ZFYVE26: variants seen among roughly 807,000 people sequenced by gnomAD.
ZFYVE26 encodes zinc finger FYVE domain-containing protein 26.
ZFYVE26 carries 181 observed loss-of-function variants against 276.5 expected under a neutral mutation model. That is an observed-to-expected ratio of 0.65 (90% confidence interval 0.58 to 0.74). ZFYVE26 has a LOEUF of 0.74. ZFYVE26 is among the 30% of genes least tolerant of loss of function. ZFYVE26 has a pLI of 0.00. For synonymous variants in ZFYVE26, 1,129 were observed against 1,203.1 expected, an observed-to-expected ratio of 0.94 and a Z score of 1.27; for missense variants, 2,821 against 3,097.9, an observed-to-expected ratio of 0.91 and a Z score of 2.12.
intron 21 of ZFYVE26, among the ~76,000 whole-genome samples, chr14:67,781,879 C>A: frequency 6.6e-6 from 1 of 152,326 alleles, no homozygotes; most frequent in Non-Finnish European, 1.5e-5. Context: ...TTCAGACTCA[C>A]CTTGTCAGTG....
At chr14:67,803,088 A>G (rs899583354) in intron 9 of ZFYVE26, among the ~76,000 whole-genome samples, 2 of 152,196 alleles carry the variant, frequency 1.3e-5, no homozygotes, top group African/African-American at 4.8e-5. Context: ...GGGTATAGTG[A>G]TAAGTGCCTG....
chr14:67,802,396 C>T, intron 9 of ZFYVE26, 114 bp from the exon 10 acceptor site: 2 of 1,047,222 alleles, frequency 1.9e-6, no homozygotes, highest in Non-Finnish European at 2.9e-6. Context: ...TAGGTTCTTA[C>T]CCTCTCTCCT....
At chr14:67,779,870 GTTATT>G (rs1045110172) in intron 23 of ZFYVE26, among the ~76,000 whole-genome samples, 4 of 152,118 alleles carry the variant, frequency 2.6e-5, no homozygotes, top group African/African-American at 4.8e-5. Flanking sequence ...ATGTGGTATA[GTTATT>G]TTATTTTATT....
rs1702782496 is a variant in ZFYVE26, at chr14:67,755,091, T to C, written c.6946A>G (p.Thr2316Ala). Residue 2316 changes from threonine to alanine, a missense_variant, in exon 37 of 42, where the codon ACA becomes GCA. Physicochemically the swap from Thr to Ala is moderately conservative, Grantham distance 58 (BLOSUM62 0). Transcript: ENST00000347230. ...TSRSSGRKKTTFFRKKMTAAD... is the reference protein window; with the variant it reads ...TSRSSGRKKTAFFRKKMTAAD... ...GCAGTCATCTTCTTTCTGAAGAATG[T>C]GGTTTTCTTCCTTCCAGAGCTGCGG... 1.9e-6 allele frequency: 3 copies of C among 1,614,198 alleles called. No individual in the cohort carries two copies. Among genetic ancestry groups the C allele is most frequent in the Admixed American group, 3.3e-5 (2 of 60,030 alleles).
Position 67,797,971 on chromosome 14 carries a change from C to T in ZFYVE26, c.2248+43G>A, listed in dbSNP as rs372799976. 215 of 1,613,160 alleles carry T rather than the reference C, an allele frequency of 1.3e-4. 4 individuals carry two copies. Among genetic ancestry groups the T allele is most frequent in the South Asian group, 8.2e-4 (75 of 91,002 alleles). ...TCTCCCATATTCCTGGGATCTTTCTCCCTCTCCACCTTCTGGTCCCACCAG... is the reference window on the plus strand; with the variant it reads ...TCTCCCATATTCCTGGGATCTTTCTTCCTCTCCACCTTCTGGTCCCACCAG... On this transcript the variant is annotated intron_variant, in intron 11 of 41. Coordinates refer to ENST00000347230, the MANE Select transcript of ZFYVE26 (RefSeq NM_015346.4).
At chr14:67,772,623 A>G (rs2039241951) in intron 27 of ZFYVE26, among the ~76,000 whole-genome samples, 1 of 152,218 alleles carries the variant, frequency 6.6e-6, no homozygotes, top group African/African-American at 2.4e-5. Context: ...GAAAAGAGGC[A>G]GGGAACCTAT....
chr14:67,808,832 T>C (rs895558491), intron 4 of ZFYVE26, among the ~76,000 whole-genome samples: 1 of 152,108 alleles, frequency 6.6e-6, no homozygotes, highest in Admixed American at 6.5e-5. Flanking sequence ...ACGATATAAT[T>C]AAGACTTAAT....
chr14:67,737,088 C>CTTTTTTT (rs71129855), intron 13 of ZFYVE26, among the ~76,000 whole-genome samples: 8 of 104,798 alleles, frequency 7.6e-5, no homozygotes, highest in East Asian at 5.4e-4. Context: ...TTTTTCTTTT[C>CTTTTTTT]TTTTTTTTTT....
At position 67,751,879 on chromosome 14, in the gene ZFYVE26, A is replaced by G. The variant is rs549105576; in HGVS notation, c.7371+465T>C. Reference sequence around the variant, plus strand: ...TCTGTCTCAAAAAAAAAAAAGAACAAGAAAGAAAATTTAACCATAACACTA... The same window carrying G: ...TCTGTCTCAAAAAAAAAAAAGAACAGGAAAGAAAATTTAACCATAACACTA... On this transcript the variant is annotated intron_variant, in intron 40 of 41. Transcript: ENST00000347230. Among the ~76,000 whole-genome samples the G allele has an allele frequency of 7.9e-5, 12 of 152,238 alleles. No individual in the cohort carries two copies. In the South Asian group the frequency reaches 2.5e-3, roughly 32 times the overall value.
At chr14:67,772,246 A>G in intron 27 of ZFYVE26, 36 bp from the exon 28 acceptor site, 7 of 1,601,164 alleles carry the variant, frequency 4.4e-6, no homozygotes, top group South Asian at 1.1e-5. Context: ...GTAAAAGGTA[A>G]TCAATATACC....
chr14:67,796,077 G>A (rs1417795979), intron 12 of ZFYVE26: 1 of 152,160 alleles, frequency 6.6e-6, no homozygotes, highest in Non-Finnish European at 1.5e-5. Flanking sequence ...AATAATAGGA[G>A]GGAGAGAAGG....
intron 16 of ZFYVE26, among the ~76,000 whole-genome samples, chr14:67,788,887 C>T (rs757146336): frequency 1.2e-4 from 18 of 152,186 alleles, no homozygotes; most frequent in Non-Finnish European, 2.5e-4. Flanking sequence ...GATGCCTTCA[C>T]ATACCTGATT....
At chr14:67,804,337 C>T in intron 8 of ZFYVE26, 73 bp from the exon 9 acceptor site, 4 of 1,544,342 alleles carry the variant, frequency 2.6e-6, no homozygotes, top group East Asian at 2.3e-5. Context: ...AATCTCCATT[C>T]CCTCTTGTTC....
chr14:67,737,651 G>A (rs2038367748), intron 13 of ZFYVE26, among the ~76,000 whole-genome samples: 2 of 152,174 alleles, frequency 1.3e-5, no homozygotes, highest in Admixed American at 1.3e-4. Flanking sequence ...AGCATCTGCT[G>A]CAGATGTATA....
chr14:67,758,012 G>A (rs1280899733), intron 35 of ZFYVE26, among the ~76,000 whole-genome samples: 1 of 152,180 alleles, frequency 6.6e-6, no homozygotes, highest in Non-Finnish European at 1.5e-5. Flanking sequence ...ACCCTGCCCA[G>A]CCTTTTGTCT....
intron 40 of ZFYVE26, chr14:67,751,403 G>T (rs2038639696): frequency 2.1e-6 from 1 of 473,300 alleles, no homozygotes; most frequent in Admixed American, 3.3e-5. Context: ...AATGGATCAT[G>T]AACTTAGTGC....
At chr14:67,806,787 T>C in intron 5 of ZFYVE26, 112 bp from the exon 6 acceptor site, 1 of 1,324,576 alleles carries the variant, frequency 7.5e-7, no homozygotes, top group Non-Finnish European at 1.1e-6. Flanking sequence ...AAACTTAGGC[T>C]GGGTTTTCCA....
chr14:67,805,614 G>A lies in ZFYVE26; in HGVS notation c.1022C>T (p.Thr341Ile). 6.2e-7 allele frequency: 1 copy of A among 1,613,898 alleles called. No homozygotes were observed. Among genetic ancestry groups the A allele is most frequent in the Non-Finnish European group, 8.5e-7 (1 of 1,180,024 alleles). The stretch of plus-strand genomic sequence containing the variant: ...TTCTTCTTTCAACAATGTTAGTGCT[G>A]TTACCTGTAAGTCAAAGAAAGCTGT... ...NKHFLEQILV[T>I]ALTLLKEEDF... Residue 341 changes from threonine to isoleucine, a missense_variant, in exon 7 of 42, where the codon ACA (threonine) becomes ATA (isoleucine). Transcript: ENST00000347230.
rs2140258922 is a variant in ZFYVE26 at position 67,813,992 on chromosome 14, C to T, written c.267G>A (p.Arg89=). The T allele has an allele frequency of 6.2e-7, 1 of 1,613,366 alleles. No homozygotes were observed. The part of the protein sequence containing the change: ...WLLVLEKWLA[R]EKKLLPVVFR... ...TTAATATAAACCTACTTACCTTTTC[C>T]CGGGCCAACCATTTCTCCAGTACAA... Residue 89 remains arginine (R), a synonymous_variant, in exon 3 of 42, where the codon CGG becomes CGA. Coordinates refer to ENST00000347230, the MANE Select transcript of ZFYVE26 (RefSeq NM_015346.4).
Sources: allele counts gnomAD v4.1 joint callset (sites outside exome capture counted in the v4.1 genomes callset), GRCh38; gene constraint gnomAD v4.1.1; transcripts MANE v1.5; gene names NCBI Gene and HGNC (gene_info 2026-07-23, HGNC 2026-07-21).